HCN1: variants seen among roughly 807,000 people sequenced by gnomAD.
HCN1 encodes the protein hyperpolarization activated cyclic nucleotide gated potassium channel 1, also known as potassium/sodium hyperpolarization-activated cyclic nucleotide-gated channel 1.
HCN1 carries 13 observed loss-of-function variants against 78.9 expected under a neutral mutation model. The ratio of observed to expected loss-of-function variants is 0.16; its 90% CI spans 0.11 to 0.26. The LOEUF (loss-of-function observed/expected upper bound fraction) is 0.26, where lower values mean the gene tolerates loss of function less well. HCN1 is among the 10% of genes least tolerant of loss of function. The pLI is 1.00. For missense variants in HCN1, 810 were observed against 1,154.3 expected (o/e 0.70, Z 4.32); for synonymous variants, 552 against 455.5 (o/e 1.21, Z -2.70).
chr5:45,368,705 A>T (rs1319455626), intron 4 of HCN1, among the ~76,000 whole-genome samples: 1 of 126,046 alleles, frequency 7.9e-6, no homozygotes, highest in African/African-American at 4.2e-5. Flanking sequence ...TCAAAACCTC[A>T]TCTTACTAGT....
chr5:45,337,510 C>T (rs1245411491), intron 5 of HCN1, among the ~76,000 whole-genome samples: 1 of 152,108 alleles, frequency 6.6e-6, no homozygotes, highest in Non-Finnish European at 1.5e-5. Context: ...CACTCAGTCA[C>T]TCTGAGATGA....
intron 3 of HCN1, among the ~76,000 whole-genome samples, chr5:45,438,257 G>C (rs1276367449): frequency 6.6e-6 from 1 of 152,130 alleles, no homozygotes; most frequent in Non-Finnish European, 1.5e-5. Flanking sequence ...TAAACTGATA[G>C]AAGATTGAAA....
chr5:45,408,091 T>C (rs1739959885), intron 3 of HCN1, among the ~76,000 whole-genome samples: 1 of 152,140 alleles, frequency 6.6e-6, no homozygotes, highest in South Asian at 2.1e-4. Flanking sequence ...AGCTAAGTGT[T>C]ACTACAAAAA....
intron 2 of HCN1, among the ~76,000 whole-genome samples, chr5:45,563,133 T>G (rs1275086150): frequency 6.6e-6 from 1 of 152,144 alleles, no homozygotes; most frequent in Non-Finnish European, 1.5e-5. Flanking sequence ...TTTTTTATAG[T>G]GAATATATGT....
intron 5 of HCN1, among the ~76,000 whole-genome samples, chr5:45,351,065 C>G (rs1321709120): frequency 6.6e-6 from 1 of 152,056 alleles, no homozygotes; most frequent in African/African-American, 2.4e-5. Context: ...CCCGCATCAC[C>G]AAGTCAATCC....
intron 2 of HCN1, chr5:45,559,208 C>A (rs973127868): frequency 1.3e-5 from 2 of 151,956 alleles, no homozygotes; most frequent in Non-Finnish European, 2.9e-5. Context: ...TGGATATGTA[C>A]AAGGAAATTA....
At chr5:45,481,492 T>C (rs1298436901) in intron 2 of HCN1, among the ~76,000 whole-genome samples, 1 of 152,184 alleles carries the variant, frequency 6.6e-6, no homozygotes, top group African/African-American at 2.4e-5. Flanking sequence ...GAAGCTGACA[T>C]AGTTTGGAAA....
chr5:45,458,904 C>T (rs2111618259), intron 3 of HCN1, among the ~76,000 whole-genome samples: 1 of 152,102 alleles, frequency 6.6e-6, no homozygotes, highest in East Asian at 1.9e-4. Flanking sequence ...TGCTTTTGTT[C>T]TCATATTGGA....
intron 3 of HCN1, among the ~76,000 whole-genome samples, chr5:45,443,186 A>G (rs1164676790): frequency 6.6e-6 from 1 of 152,034 alleles, no homozygotes; most frequent in Non-Finnish European, 1.5e-5. Flanking sequence ...ATTCAATTGT[A>G]GTATGCTACG....
At chr5:45,532,847 G>A (rs558499603) in intron 2 of HCN1, among the ~76,000 whole-genome samples, 21 of 152,126 alleles carry the variant, frequency 1.4e-4, no homozygotes, top group Non-Finnish European at 1.9e-4. Context: ...TGCTTAACCC[G>A]CACTTTTCCT....
In HCN1 at chr5:45,670,321, C is replaced by T. The variant is rs1308091782; in HGVS notation, c.426-24713G>A. 2.0e-5 allele frequency among the ~76,000 whole-genome samples: 3 copies of T among 151,782 alleles called. No homozygotes were observed. The East Asian group carries it at 5.8e-4, about 29-fold the overall frequency. On this transcript the variant is annotated intron_variant, in intron 1 of 7. Coordinates refer to ENST00000303230, the MANE Select transcript of HCN1 (RefSeq NM_021072.4). The stretch of plus-strand genomic sequence containing the variant: ...TTCAATAATGAAAAAAGTTAATTGC[C>T]ACATTCTAAATCCAACACATTTCAT...
intron 5 of HCN1, among the ~76,000 whole-genome samples, chr5:45,308,392 T>C (rs895755644): frequency 2.0e-5 from 3 of 152,152 alleles, no homozygotes; most frequent in African/African-American, 4.8e-5. Flanking sequence ...ATTAAAGATG[T>C]AATTACTGCT....
chr5:45,381,889 C>A (rs893690954), intron 4 of HCN1, among the ~76,000 whole-genome samples: 2 of 152,226 alleles, frequency 1.3e-5, no homozygotes, highest in African/African-American at 4.8e-5. Context: ...TATACCTTTC[C>A]AATGGCTCCC....
intron 3 of HCN1, among the ~76,000 whole-genome samples, chr5:45,446,621 T>C (rs1740803016): frequency 6.6e-6 from 1 of 152,168 alleles, no homozygotes; most frequent in African/African-American, 2.4e-5. Context: ...GAAAAAATGT[T>C]AAGGGCAGCC....
Position 45,262,813 on chromosome 5 carries a change from G to A in HCN1, c.1784-3C>T, listed in dbSNP as rs1744777352. On this transcript the variant is annotated splice_polypyrimidine_tract_variant and splice_region_variant and intron_variant, in intron 7 of 7. Transcript: ENST00000303230. ...CAGAAGAATTGAATTTTTCTTTCCT[G>A]TCAGCAAAAGAAAGATAGGCACTTA... The A allele has an allele frequency of 1.2e-6, 2 of 1,613,470 alleles. No homozygotes were observed. Among genetic ancestry groups the A allele is most frequent in the Non-Finnish European group, 1.7e-6 (2 of 1,180,014 alleles).
chr5:45,347,809 T>C (rs1746781914), intron 5 of HCN1, among the ~76,000 whole-genome samples: 1 of 151,790 alleles, frequency 6.6e-6, no homozygotes, highest in East Asian at 1.9e-4. Flanking sequence ...AAGGGAAGTT[T>C]AGAGAAAAAA....
At chr5:45,448,083 T>C (rs1304189536) in intron 3 of HCN1, among the ~76,000 whole-genome samples, 1 of 151,962 alleles carries the variant, frequency 6.6e-6, no homozygotes, top group Non-Finnish European at 1.5e-5. Flanking sequence ...ATTATAATGA[T>C]AATTATCTCA....
intron 1 of HCN1, among the ~76,000 whole-genome samples, chr5:45,660,689 G>C (rs1399603382): frequency 1.4e-5 from 2 of 140,988 alleles, no homozygotes; most frequent in East Asian, 2.2e-4. Context: ...AACCAACAAA[G>C]ATCAAAAGAG....
intron 2 of HCN1, among the ~76,000 whole-genome samples, chr5:45,615,624 G>A (rs1345943832): frequency 6.6e-6 from 1 of 151,836 alleles, no homozygotes; most frequent in Non-Finnish European, 1.5e-5. Flanking sequence ...TAAGCTTAAG[G>A]AATAAAGCTA....
Sources: allele counts gnomAD v4.1 joint callset (sites outside exome capture counted in the v4.1 genomes callset), GRCh38; gene constraint gnomAD v4.1.1; transcripts MANE v1.5; gene names NCBI Gene and HGNC (gene_info 2026-07-23, HGNC 2026-07-21).